The following RICTOR variants were observed in gnomAD, a reference collection of about 807,000 sequenced individuals.
RICTOR encodes the protein RPTOR independent companion of MTOR complex 2.
RICTOR carries 49 observed loss-of-function variants against 214.9 expected under a neutral mutation model. The ratio of observed to expected loss-of-function variants is 0.23; its 90% CI spans 0.18 to 0.29. The LOEUF is 0.29. RICTOR is among the 10% of genes least tolerant of loss of function. RICTOR has a pLI of 1.00. For synonymous variants in RICTOR, 717 were observed against 711.3 expected (o/e 1.01, Z -0.13); for missense variants, 1,625 against 2,047.0 (o/e 0.79, Z 3.98).
At chr5:38,954,894 G>A in intron 26 of RICTOR, 33 bp from the exon 27 acceptor site, 2 of 1,042,164 alleles carry the variant, frequency 1.9e-6, no homozygotes, top group South Asian at 1.4e-5. Flanking sequence ...TATATCTCTT[G>A]GCTAATTTAA....
intron 7 of RICTOR, among the ~76,000 whole-genome samples, chr5:38,990,504 G>T (rs538388645): frequency 6.8e-6 from 1 of 148,054 alleles, no homozygotes; most frequent in East Asian, 2.0e-4. Flanking sequence ...ACATATATAC[G>T]ATATATACAC....
At chr5:39,028,643 T>C (rs1223860695) in intron 2 of RICTOR, among the ~76,000 whole-genome samples, 1 of 152,216 alleles carries the variant, frequency 6.6e-6, no homozygotes, top group Non-Finnish European at 1.5e-5. Flanking sequence ...AGCAGCCTTA[T>C]TCATAACAGC....
chr5:39,072,374 C>T (rs982398756), intron 2 of RICTOR, among the ~76,000 whole-genome samples: 1 of 152,120 alleles, frequency 6.6e-6, no homozygotes, highest in Admixed American at 6.5e-5. Context: ...AGCTCTTCCA[C>T]AACTCAACAT....
chr5:38,967,142 T>G lies in RICTOR; in HGVS notation c.1218+19A>C, dbSNP rs201385492. The G allele has an allele frequency of 1.3e-6, 2 of 1,533,622 alleles. No individual in the cohort carries two copies. The highest frequency in any genetic ancestry group is 1.4e-5 in the African/African-American group (1 of 73,094). Reference sequence around the variant, plus strand: ...AGAAAATAAACAAAATGGAATAAAATAAGGTTTATAAGTCTTACCTCTAAA... The same window carrying G: ...AGAAAATAAACAAAATGGAATAAAAGAAGGTTTATAAGTCTTACCTCTAAA... On this transcript the variant is annotated intron_variant, in intron 14 of 37. Coordinates refer to ENST00000357387, the MANE Select transcript of RICTOR (RefSeq NM_152756.5).
chr5:39,012,025 T>G (rs1754559085), intron 3 of RICTOR, among the ~76,000 whole-genome samples: 1 of 152,178 alleles, frequency 6.6e-6, no homozygotes. Flanking sequence ...TTATAAGGTT[T>G]GGCTCTGTGT....
chr5:39,026,093 T>C (rs1170010764), intron 2 of RICTOR, among the ~76,000 whole-genome samples: 1 of 152,192 alleles, frequency 6.6e-6, no homozygotes, highest in Non-Finnish European at 1.5e-5. Context: ...TGTCTACGGA[T>C]AACAGCACTA....
Position 39,042,184 on chromosome 5 carries a change from A to T in RICTOR, c.98-21048T>A, listed in dbSNP as rs564953140. On this transcript the variant is annotated intron_variant, in intron 2 of 37. Transcript: ENST00000357387. Reference sequence around the variant, plus strand: ...ATGCTATAAAGGCTGCCAGAATGTCATACAACTAGATTCTGATATCTCTTT... The same window carrying T: ...ATGCTATAAAGGCTGCCAGAATGTCTTACAACTAGATTCTGATATCTCTTT... Among the ~76,000 whole-genome samples, 4 of 152,252 alleles carry T rather than the reference A, an allele frequency of 2.6e-5. No homozygotes were observed. In the South Asian group the frequency reaches 8.3e-4, roughly 32 times the overall value.
chr5:38,983,624 G>T (rs547512756), intron 7 of RICTOR, among the ~76,000 whole-genome samples: 2 of 152,280 alleles, frequency 1.3e-5, no homozygotes, highest in South Asian at 4.1e-4. Context: ...CTAGGCATAT[G>T]TGTATCTGTG....
intron 8 of RICTOR, 125 bp from the exon 9 acceptor site, chr5:38,978,775 C>T (rs995203048): frequency 2.0e-5 from 10 of 494,034 alleles, no homozygotes; most frequent in Non-Finnish European, 3.2e-5. Flanking sequence ...GGACTTATTT[C>T]TTCTAACTCA....
At chr5:38,959,651 C>T in intron 21 of RICTOR, 128 bp downstream of exon 21, 1 of 635,726 alleles carries the variant, frequency 1.6e-6, no homozygotes, top group Non-Finnish European at 2.7e-6. Context: ...AATATTAAAG[C>T]AAAGATAATG....
chr5:39,015,888 A>C (rs1754903209), intron 3 of RICTOR, among the ~76,000 whole-genome samples: 1 of 152,160 alleles, frequency 6.6e-6, no homozygotes, highest in Non-Finnish European at 1.5e-5. Context: ...ATTACCTCTG[A>C]GTAAAGAAAT....
At chr5:38,977,782 TCA>T (rs1291858397) in intron 9 of RICTOR, among the ~76,000 whole-genome samples, 1 of 151,994 alleles carries the variant, frequency 6.6e-6, no homozygotes, top group African/African-American at 2.4e-5. Flanking sequence ...AGACGGGGTT[TCA>T]CCAGATTGGT....
intron 2 of RICTOR, among the ~76,000 whole-genome samples, chr5:39,026,727 G>T (rs1755850602): frequency 6.6e-6 from 1 of 151,698 alleles, no homozygotes. Flanking sequence ...TTAATGGATG[G>T]CCAGGTGCGG....
rs189990857 is a variant in RICTOR at position 39,059,915 on chromosome 5, C to T, written c.97+14196G>A. ...TATCTCAAAAGGAGATGAAGAAACA[C>T]GCTCAGAAAAGGCAACTTGTCCAGC... On this transcript the variant is annotated intron_variant, in intron 2 of 37. Transcript: ENST00000357387. Among the ~76,000 whole-genome samples the T allele has an allele frequency of 2.5e-3, 373 of 152,132 alleles. 1 individual carries two copies. Among genetic ancestry groups the T allele is most frequent in the African/African-American group, 8.7e-3 (361 of 41,522 alleles).
chr5:38,984,463 T>G (rs1196139969), intron 7 of RICTOR, among the ~76,000 whole-genome samples: 1 of 152,186 alleles, frequency 6.6e-6, no homozygotes, highest in East Asian at 1.9e-4. Flanking sequence ...TTTGCTTAAT[T>G]ATAATGAGCT....
intron 11 of RICTOR, 64 bp downstream of exon 11, chr5:38,971,813 T>G: frequency 2.8e-6 from 2 of 723,954 alleles, no homozygotes; most frequent in Non-Finnish European, 2.4e-6. Flanking sequence ...ATAATTTTTT[T>G]TTTATAATTA....
intron 2 of RICTOR, among the ~76,000 whole-genome samples, chr5:39,062,522 T>G (rs1758617124): frequency 6.6e-6 from 1 of 152,066 alleles, no homozygotes; most frequent in Admixed American, 6.6e-5. Flanking sequence ...ATTAAAAATT[T>G]TATTATATGA....
chr5:38,955,793 G>C lies in RICTOR; in HGVS notation c.2500-89C>G. On this transcript the variant is annotated intron_variant, in intron 25 of 37. Transcript: ENST00000357387. ...TCAGATACTTAGCAAAGGGTAGACA[G>C]ATCAAGGTATTATGAATGCAAATGT... is the stretch of plus-strand genomic sequence containing the variant. 4 of 756,040 alleles carry C rather than the reference G, an allele frequency of 5.3e-6. No homozygotes were observed. The South Asian group carries it at 6.2e-5, about 12-fold the overall frequency. 46.8% of individuals were successfully genotyped at this position (756,040 alleles called of 1,614,324 possible).
At chr5:39,011,262 T>G (rs1160449947) in intron 3 of RICTOR, among the ~76,000 whole-genome samples, 1 of 152,170 alleles carries the variant, frequency 6.6e-6, no homozygotes, top group Non-Finnish European at 1.5e-5. Flanking sequence ...GTTGGGCCTG[T>G]GGGTGCACAG....
Sources: gnomAD v4.1 joint callset for allele counts (sites outside exome capture counted in the v4.1 genomes callset) on GRCh38, gnomAD v4.1.1 for gene constraint, MANE v1.5 for transcripts, NCBI Gene and HGNC (gene_info 2026-07-23, HGNC 2026-07-21) for gene names.